NIPAL3: variants seen among roughly 807,000 people sequenced by gnomAD.
NIPAL3 encodes the protein NIPA like domain containing 3, also known as NIPA-like protein 3.
NIPAL3 carries 41 observed loss-of-function variants against 47.2 expected under a neutral mutation model. The ratio of observed to expected loss-of-function variants is 0.87; its 90% CI spans 0.68 to 1.13. The LOEUF (loss-of-function observed/expected upper bound fraction) is 1.13. Among genes scored for constraint, NIPAL3 ranks in the 50% most tolerant of loss-of-function variants. NIPAL3 has a pLI of 0.00. For synonymous variants in NIPAL3, 194 were observed against 209.6 expected, an observed-to-expected ratio of 0.93 and a Z score of 0.64; for missense variants, 449 against 530.1, an observed-to-expected ratio of 0.85 and a Z score of 1.50.
intron 2 of NIPAL3, chr1:24,422,088 T>A (rs1377861594): frequency 3.3e-5 from 5 of 152,218 alleles, no homozygotes; most frequent in South Asian, 2.1e-4. Flanking sequence ...TGAACATTTG[T>A]CTGGAATTAG....
Position 24,449,744 on chromosome 1 carries a change from G to A in NIPAL3, c.540+118G>A. 1 of 1,118,120 alleles carries A rather than the reference G, an allele frequency of 8.9e-7. No individual in the cohort carries two copies. Among genetic ancestry groups the A allele is most frequent in the Non-Finnish European group, 1.3e-6 (1 of 797,256 alleles). 69.3% of individuals were successfully genotyped at this position (1,118,120 alleles called of 1,614,324 possible). A position where few individuals can be genotyped will look rare whatever the true frequency, so the allele number is the denominator to read the frequency against. On this transcript the variant is annotated intron_variant, in intron 6 of 11. Transcript: ENST00000374399. This position sits in a 1 kb window ranked among gnomAD's most constrained non-coding sequence, Gnocchi z 4.5. Reference sequence around the variant, plus strand: ...CCGTGAGTTGCGGCACATTTTACCAGCATGAAAGACCGTGCTTCTGGAGAG... The same window carrying A: ...CCGTGAGTTGCGGCACATTTTACCAACATGAAAGACCGTGCTTCTGGAGAG...
At position 24,419,639 on chromosome 1, in the gene NIPAL3, A is replaced by G; in HGVS notation, c.92A>G (p.Lys31Arg). ...GTAAGCGAGGCCTCCTTCTCCTACA[A>G]GGCAAGGGCTTTTTTGGGGTTTGGG... ...SAVSEASFSYKENLIGALLAI... is the reference protein window; with the variant it reads ...SAVSEASFSYRENLIGALLAI... Residue 31 changes from lysine (K) to arginine (R), a missense_variant and splice_region_variant, in exon 2 of 12, where the codon AAG becomes AGG. Coordinates refer to ENST00000374399, the MANE Select transcript of NIPAL3 (RefSeq NM_020448.5). The G allele has an allele frequency of 2.5e-6, 4 of 1,613,552 alleles. No homozygotes were observed. The highest frequency in any genetic ancestry group is 3.4e-6 in the Non-Finnish European group (4 of 1,179,626).
chr1:24,440,183 T>A lies in NIPAL3; in HGVS notation c.105T>A (p.Ile35=). The part of the protein sequence containing the change: ...EASFSYKENL[I]GALLAIFGHL... The stretch of plus-strand genomic sequence containing the variant: ...AACTTTCCTTACAGGAAAACCTGAT[T>A]GGCGCCCTCTTGGCGATCTTCGGGC... The change falls in exon 3 of 12, where the codon ATT becomes ATA. Residue 35 remains isoleucine (I), a synonymous_variant. Coordinates refer to ENST00000374399, the MANE Select transcript of NIPAL3 (RefSeq NM_020448.5). 1 of 1,588,678 alleles carries A rather than the reference T, an allele frequency of 6.3e-7. No individual in the cohort carries two copies. The highest frequency in any genetic ancestry group is 8.6e-7 in the Non-Finnish European group (1 of 1,168,366).
In NIPAL3 at chr1:24,451,201, G is replaced by C. The variant is rs912494955; in HGVS notation, c.540+1575G>C. 1.3e-5 allele frequency among the ~76,000 whole-genome samples: 2 copies of C among 152,246 alleles called. No individual in the cohort carries two copies. The highest frequency in any genetic ancestry group is 4.8e-5 in the African/African-American group (2 of 41,454). ...TGTTGTCTTACTTCATCATGACTGG[G>C]AGGCAGTGCTGCCAGCTGGAGAGAT... On this transcript the variant is annotated intron_variant, in intron 6 of 11. Coordinates refer to ENST00000374399, the MANE Select transcript of NIPAL3 (RefSeq NM_020448.5). This position sits in a 1 kb window ranked among gnomAD's most constrained non-coding sequence, Gnocchi z 4.5.
rs58526442 is a variant in NIPAL3, at chr1:24,446,069, C to CTGTGTGTGTGTGTGT, written c.394+825_394+826insTGTGTGTGTGTGTGT. 1.4e-3 allele frequency among the ~76,000 whole-genome samples: 212 copies of CTGTGTGTGTGTGTGT among 147,834 alleles called. 1 individual carries two copies. Among genetic ancestry groups the CTGTGTGTGTGTGTGT allele is most frequent in the Middle Eastern group, 6.9e-3 (2 of 288 alleles). On this transcript the variant is annotated intron_variant, in intron 5 of 11. Coordinates refer to ENST00000374399, the MANE Select transcript of NIPAL3 (RefSeq NM_020448.5). ...GGCTTCTGCTCACAGAGATTATAGT[C>CTGTGTGTGTGTGTGT]GTGTGTGTGTGTGTGTGTGTGTGTG...
intron 10 of NIPAL3, among the ~76,000 whole-genome samples, chr1:24,463,814 T>C (rs1483836498): frequency 1.3e-5 from 2 of 151,874 alleles, no homozygotes; most frequent in Non-Finnish European, 2.9e-5. Context: ...GTGTAGGGCA[T>C]GTGAGGCCAC....
At chr1:24,453,385 C>T (rs372154854) in intron 6 of NIPAL3, 23 bp from the exon 7 acceptor site, 1 of 1,594,852 alleles carries the variant, frequency 6.3e-7, no homozygotes, top group Non-Finnish European at 8.6e-7. Context: ...CCCACTGACC[C>T]CCCTGCTTGC....
chr1:24,420,086 GA>G (rs11379916), intron 2 of NIPAL3: 3,885 of 84,408 alleles, frequency 0.046, 153 homozygotes, highest in African/African-American at 0.13. Flanking sequence ...GTCTCAAAAG[GA>G]AAAAAAAAAA....
At chr1:24,437,241 G>T (rs1315350064) in intron 2 of NIPAL3, among the ~76,000 whole-genome samples, 8 of 152,084 alleles carry the variant, frequency 5.3e-5, no homozygotes, top group Admixed American at 5.2e-4. Flanking sequence ...GACAGAGTGA[G>T]ACTCCATCTC....
intron 5 of NIPAL3, among the ~76,000 whole-genome samples, chr1:24,448,545 TTTTA>T (rs1214318156): frequency 5.9e-5 from 9 of 152,188 alleles, no homozygotes; most frequent in Non-Finnish European, 1.3e-4. Context: ...TTATGTTTTA[TTTTA>T]TTTGTTTTTT....
intron 2 of NIPAL3, among the ~76,000 whole-genome samples, chr1:24,439,564 C>T (rs568263775): frequency 6.6e-5 from 10 of 152,094 alleles, no homozygotes; most frequent in Admixed American, 2.0e-4. Context: ...TTTTCTCATG[C>T]TACCTTGTCT....
At chr1:24,433,440 C>T (rs4648985) in intron 2 of NIPAL3, among the ~76,000 whole-genome samples, 28,862 of 152,116 alleles carry the variant, frequency 0.19, 3,263 homozygotes, top group East Asian at 0.3. Context: ...GGAGGCCAGG[C>T]ATGTAAAAAA....
chr1:24,436,738 A>G (rs762968229), intron 2 of NIPAL3, among the ~76,000 whole-genome samples: 24 of 151,686 alleles, frequency 1.6e-4, no homozygotes, highest in Admixed American at 5.2e-4. Context: ...ACCTCAGGTG[A>G]TTCACCCGCC....
intron 2 of NIPAL3, among the ~76,000 whole-genome samples, chr1:24,420,673 T>G (rs999408136): frequency 1.3e-5 from 2 of 152,204 alleles, no homozygotes; most frequent in African/African-American, 4.8e-5. Flanking sequence ...AACTTGACCT[T>G]ACTTGTGGAA....
chr1:24,440,819 G>A (rs1230073152), intron 3 of NIPAL3, among the ~76,000 whole-genome samples: 1 of 152,172 alleles, frequency 6.6e-6, no homozygotes, highest in Non-Finnish European at 1.5e-5. Context: ...TCTGCCAGCA[G>A]GGGTGGGAGG....
At chr1:24,420,781 C>G (rs574405237) in intron 2 of NIPAL3, among the ~76,000 whole-genome samples, 1 of 152,160 alleles carries the variant, frequency 6.6e-6, no homozygotes, top group Non-Finnish European at 1.5e-5. Context: ...CTCAACAGAT[C>G]CTCATTGCTG....
At chr1:24,456,433 C>T (rs1646217555) in intron 8 of NIPAL3, among the ~76,000 whole-genome samples, 160 bp downstream of exon 8, 1 of 152,108 alleles carries the variant, frequency 6.6e-6, no homozygotes, top group South Asian at 2.1e-4. Flanking sequence ...TGAGTTGTCA[C>T]CTGGAGGGAC....
chr1:24,453,926 A>G (rs759663139), intron 7 of NIPAL3: 1 of 425,156 alleles, frequency 2.4e-6, no homozygotes, highest in Non-Finnish European at 4.6e-6. Flanking sequence ...CAAAGGTAAA[A>G]CTAGATTTTG....
rs1570410412 is a variant in NIPAL3 at position 24,471,611 on chromosome 1, A to C, written c.*2426A>C. 1 of 145,378 alleles carries C rather than the reference A, an allele frequency of 6.9e-6. No homozygotes were observed. 9.0% of individuals were successfully genotyped at this position (145,378 alleles called of 1,614,324 possible). ...AAAAAAAAAAAAAGATAAGCAGTGG[A>C]GGCCGAATCATGGAGGGTCTTGAAT... On this transcript the variant is annotated 3_prime_UTR_variant, in exon 12 of 12. Transcript: ENST00000374399.
Sources: gnomAD v4.1 joint callset for allele counts (sites outside exome capture counted in the v4.1 genomes callset) on GRCh38, gnomAD v4.1.1 for gene constraint, Gnocchi (gnomAD v3.1) non-coding constraint, MANE v1.5 for transcripts, NCBI Gene and HGNC (gene_info 2026-07-23, HGNC 2026-07-21) for gene names.